ATP2C1: variants seen among roughly 807,000 people sequenced by gnomAD.
ATP2C1 encodes ATPase secretory pathway Ca2+ transporting 1.
ATP2C1 carries 31 observed loss-of-function variants against 120.5 expected under a neutral mutation model. The observed-to-expected ratio is 0.26, with a 90% CI of 0.19 to 0.35. The LOEUF (loss-of-function observed/expected upper bound fraction) is 0.35, where lower values mean the gene tolerates loss of function less well. Ranked by LOEUF, ATP2C1 falls within the 10% of genes least tolerant of loss-of-function variation. The pLI is 1.00. For missense variants in ATP2C1, 731 were observed against 1,107.5 expected, an observed-to-expected ratio of 0.66 and a Z score of 4.83; for synonymous variants, 351 against 358.7, an observed-to-expected ratio of 0.98 and a Z score of 0.24.
At chr3:130,985,375 G>A (rs970668234) in intron 20 of ATP2C1, among the ~76,000 whole-genome samples, 1 of 152,210 alleles carries the variant, frequency 6.6e-6, no homozygotes, top group African/African-American at 2.4e-5. Flanking sequence ...GCTCACAGCT[G>A]TAATCCCAGC....
At chr3:130,970,142 A>G (rs2061232752) in intron 17 of ATP2C1, among the ~76,000 whole-genome samples, 1 of 152,150 alleles carries the variant, frequency 6.6e-6, no homozygotes, top group Non-Finnish European at 1.5e-5. Flanking sequence ...ATATGGTGAA[A>G]CCCTGTCTGT....
intron 2 of ATP2C1, among the ~76,000 whole-genome samples, chr3:130,904,710 A>G (rs768042515): frequency 2.0e-5 from 3 of 151,992 alleles, no homozygotes; most frequent in Non-Finnish European, 4.4e-5. Flanking sequence ...CATACTTTAC[A>G]TGGGCAAGTT....
In ATP2C1 at chr3:130,992,949, A is replaced by T; in HGVS notation, c.1840-2A>T. 1 of 1,609,592 alleles carries T rather than the reference A, an allele frequency of 6.2e-7. No homozygotes were observed. The highest frequency in any genetic ancestry group is 8.5e-7 in the Non-Finnish European group (1 of 1,176,176). ...TTTTTAGTGTATCTTGTATTTTAACAGGTTGCAGTATTTTACAGAGCTAGC... is the reference window on the plus strand; with the variant it reads ...TTTTTAGTGTATCTTGTATTTTAACTGGTTGCAGTATTTTACAGAGCTAGC... On this transcript the variant is annotated splice_acceptor_variant, in intron 20 of 27. Coordinates refer to ENST00000510168, the MANE Select transcript of ATP2C1 (RefSeq NM_001378687.1). LOFTEE classifies it high-confidence loss of function.
At chr3:130,990,543 A>AC (rs1453208192) in intron 20 of ATP2C1, among the ~76,000 whole-genome samples, 2 of 152,028 alleles carry the variant, frequency 1.3e-5, no homozygotes, top group East Asian at 3.9e-4. Context: ...TTCATGAGGG[A>AC]CCCGGTAGAT....
chr3:131,003,176 A>G (rs1409028410), downstream of ATP2C1: 1 of 979,500 alleles, frequency 1.0e-6, no homozygotes, highest in Non-Finnish European at 1.2e-6. Context: ...GACTATTAGC[A>G]TTAAAATTAT....
chr3:130,863,258 A>T (rs1324543502), intron 1 of ATP2C1, among the ~76,000 whole-genome samples: 1 of 152,212 alleles, frequency 6.6e-6, no homozygotes, highest in Non-Finnish European at 1.5e-5. Flanking sequence ...TGTTGAAGAT[A>T]TAGATGTTCT....
intron 8 of ATP2C1, among the ~76,000 whole-genome samples, chr3:130,950,819 G>T (rs898324175): frequency 2.0e-5 from 3 of 151,922 alleles, no homozygotes; most frequent in African/African-American, 7.3e-5. Flanking sequence ...AAACCAAAGA[G>T]CTAGGTTGCT....
At chr3:130,933,148 A>G (rs912143978) in intron 4 of ATP2C1, among the ~76,000 whole-genome samples, 1 of 152,182 alleles carries the variant, frequency 6.6e-6, no homozygotes, top group Non-Finnish European at 1.5e-5. Context: ...TCCTGTTACC[A>G]AAGCTAGAGC....
intron 26 of ATP2C1, among the ~76,000 whole-genome samples, chr3:131,010,066 AG>A (rs1250917320): frequency 6.6e-6 from 1 of 151,912 alleles, no homozygotes; most frequent in Non-Finnish European, 1.5e-5. Flanking sequence ...CAAACTTGCT[AG>A]GGGGAAAACT....
chr3:130,962,440 A>C (rs1294430731), intron 12 of ATP2C1, among the ~76,000 whole-genome samples: 1 of 151,940 alleles, frequency 6.6e-6, no homozygotes, highest in Admixed American at 6.6e-5. Flanking sequence ...ATCTGAAATC[A>C]ATATTTATAA....
chr3:130,994,523 G>T (rs1160314056), intron 22 of ATP2C1, among the ~76,000 whole-genome samples: 1 of 151,984 alleles, frequency 6.6e-6, no homozygotes, highest in African/African-American at 2.4e-5. Flanking sequence ...CTCATTTAAT[G>T]TTATAATTTA....
At chr3:130,959,727 G>T (rs1007931352) in intron 12 of ATP2C1, 3 of 156,794 alleles carry the variant, frequency 1.9e-5, no homozygotes, top group African/African-American at 7.2e-5. Context: ...CCAAGTGTTT[G>T]TATTTTCAGA....
At chr3:130,902,461 T>G (rs2057906098) in intron 2 of ATP2C1, among the ~76,000 whole-genome samples, 1 of 151,950 alleles carries the variant, frequency 6.6e-6, no homozygotes, top group African/African-American at 2.4e-5. Context: ...TATTTAGTGT[T>G]CACCTAGCAG....
chr3:130,870,456 T>C lies in ATP2C1; in HGVS notation c.108+19528T>C, dbSNP rs147656155. Among the ~76,000 whole-genome samples, 1,233 of 152,300 alleles carry C rather than the reference T, an allele frequency of 8.1e-3. 26 individuals are homozygous for C. Among genetic ancestry groups the C allele is most frequent in the African/African-American group, 0.027 (1,141 of 41,558 alleles). On this transcript the variant is annotated intron_variant, in intron 1 of 26. Coordinates refer to the ATP2C1 transcript ENST00000504381. ...CCATTCTAGGTGTCACTAAAAACAT[T>C]TGTGATTCATGAAAGGAGGACAAAG...
At chr3:130,909,982 G>C (rs1201017825) in intron 2 of ATP2C1, among the ~76,000 whole-genome samples, 1 of 151,972 alleles carries the variant, frequency 6.6e-6, no homozygotes, top group South Asian at 2.1e-4. Context: ...CTGCGATTAC[G>C]GGCATGAGCC....
chr3:130,918,872 G>A (rs2058807336), intron 2 of ATP2C1, among the ~76,000 whole-genome samples: 1 of 152,050 alleles, frequency 6.6e-6, no homozygotes, highest in African/African-American at 2.4e-5. Flanking sequence ...GGTGCCTGTA[G>A]TCCCAGCTAC....
At chr3:131,014,081 A>C in intron 26 of ATP2C1, 1 of 1,597,524 alleles carries the variant, frequency 6.3e-7, no homozygotes, top group Non-Finnish European at 8.5e-7. Context: ...AGGCCTCACT[A>C]TGTTCCTCTA....
intron 2 of ATP2C1, among the ~76,000 whole-genome samples, chr3:130,896,189 G>C (rs534951817): frequency 1.3e-5 from 2 of 152,242 alleles, no homozygotes; most frequent in South Asian, 4.1e-4. Context: ...GATTTAAGAG[G>C]GTAGCCTAAA....
chr3:130,954,576 T>TC (rs2060498014), intron 9 of ATP2C1, among the ~76,000 whole-genome samples: 1 of 152,062 alleles, frequency 6.6e-6, no homozygotes, highest in Non-Finnish European at 1.5e-5. Context: ...ACCTTCACCT[T>TC]CCAGGTTCAA....
Sources: allele counts gnomAD v4.1 joint callset (sites outside exome capture counted in the v4.1 genomes callset), GRCh38; gene constraint gnomAD v4.1.1; transcripts MANE v1.5; gene names NCBI Gene and HGNC (gene_info 2026-07-23, HGNC 2026-07-21).